TP73: variants seen among roughly 807,000 people sequenced by gnomAD.
TP73 encodes tumor protein p73, also known as p53-like transcription factor.
A neutral mutation model predicts 62.5 loss-of-function variants in TP73; 25 were observed. That is an observed-to-expected ratio of 0.40 (90% CI 0.29 to 0.56). The LOEUF (loss-of-function observed/expected upper bound fraction) is 0.56. Among genes scored for constraint, TP73 ranks in the 20% least tolerant of loss-of-function variants. The pLI is 0.46. For synonymous variants in TP73, 423 were observed against 377.5 expected, an observed-to-expected ratio of 1.12 and a Z score of -1.40; for missense variants, 754 against 913.3, an observed-to-expected ratio of 0.83 and a Z score of 2.25.
chr1:3,685,831 G>A (rs573922448), intron 3 of TP73, among the ~76,000 whole-genome samples: 11 of 152,238 alleles, frequency 7.2e-5, no homozygotes, highest in Non-Finnish European at 1.2e-4. Flanking sequence ...GGTTCAGTGC[G>A]GATGCGGGCA....
At chr1:3,679,004 C>T (rs573772099) in intron 1 of TP73, among the ~76,000 whole-genome samples, 10 of 152,204 alleles carry the variant, frequency 6.6e-5, no homozygotes, top group East Asian at 1.9e-4. Flanking sequence ...GAGGGCCGGA[C>T]GGGTGGGATC....
intron 3 of TP73, among the ~76,000 whole-genome samples, chr1:3,706,548 C>T (rs953633222): frequency 2.6e-5 from 4 of 152,014 alleles, no homozygotes; most frequent in African/African-American, 7.3e-5. Flanking sequence ...CGTTGAGCCT[C>T]GGGGGTCACA....
Position 3,728,159 on chromosome 1 carries a change from C to A in TP73, c.1016C>A (p.Ala339Asp), listed in dbSNP as rs372828614. ...AAGCAGAGCCCCCCTGCCGTCCCCG[C>A]CCTTGGTGCCGGTGTGAAGAAGCGG... ...AFKQSPPAVP[A>D]LGAGVKKRRH... The change falls in exon 9 of 14, where the codon GCC becomes GAC. Residue 339 changes from alanine (A) to aspartate (D), a missense_variant. By Grantham distance (126) the Ala-to-Asp change is moderately radical. Around this residue, in one of 3 missense-constraint regions of TP73, gnomAD observed 458 missense variants for 528.7 expected, o/e 0.87. Coordinates refer to ENST00000378295, the MANE Select transcript of TP73 (RefSeq NM_005427.4). 2 of 1,611,756 alleles carry A rather than the reference C, an allele frequency of 1.2e-6. No homozygotes were observed. Among genetic ancestry groups the A allele is most frequent in the African/African-American group, 1.3e-5 (1 of 74,956 alleles).
intron 1 of TP73, among the ~76,000 whole-genome samples, chr1:3,673,340 C>G (rs991356484): frequency 3.7e-4 from 57 of 152,292 alleles, no homozygotes; most frequent in African/African-American, 1.3e-3. Flanking sequence ...CTTTGGGACC[C>G]GGGCCTCATT....
chr1:3,665,293 T>TC (rs1378203463), intron 1 of TP73, among the ~76,000 whole-genome samples: 2 of 151,568 alleles, frequency 1.3e-5, no homozygotes, highest in Non-Finnish European at 2.9e-5. Flanking sequence ...GTTGTGAAAG[T>TC]CCCCCCCAAG....
intron 4 of TP73, among the ~76,000 whole-genome samples, chr1:3,710,306 A>G (rs1309299608): frequency 6.6e-6 from 1 of 152,028 alleles, no homozygotes; most frequent in African/African-American, 2.4e-5. Context: ...AAACATTGAT[A>G]ATGAGATTTT....
chr1:3,689,092 G>A (rs1645740876), intron 3 of TP73, among the ~76,000 whole-genome samples: 2 of 152,058 alleles, frequency 1.3e-5, no homozygotes, highest in Non-Finnish European at 2.9e-5. Context: ...TGGGGAGCCC[G>A]CCCCCAACCC....
rs1329514002 is a variant in TP73, at chr1:3,701,906, G to T, written c.187-5643G>T. ...GTTACACAGGTGGAGCTGAGACTTG[G>T]CCCCAGGACTCCTGACCTCAGAGCC... On this transcript the variant is annotated intron_variant, in intron 3 of 13. Transcript: ENST00000378295. The surrounding 1 kb of genome is among the most constrained non-coding windows in gnomAD (Gnocchi z 4.7). Among the ~76,000 whole-genome samples the T allele has an allele frequency of 6.6e-6, 1 of 152,180 alleles. No individual in the cohort carries two copies. The highest frequency in any genetic ancestry group is 1.5e-5 in the Non-Finnish European group (1 of 68,038).
At chr1:3,674,740 C>T (rs115722292) in intron 1 of TP73, among the ~76,000 whole-genome samples, 194 of 152,336 alleles carry the variant, frequency 1.3e-3, no homozygotes, top group African/African-American at 2.9e-3. Context: ...CCTCTTCTTG[C>T]GGTGGCTGGA....
chr1:3,712,261 C>T (rs1342708896), intron 4 of TP73: 1 of 152,250 alleles, frequency 6.6e-6, no homozygotes, highest in Non-Finnish European at 1.5e-5. Context: ...AACAAGAGTA[C>T]TTAGGGCGAA....
chr1:3,723,800 A>C (rs1641294509), intron 6 of TP73, among the ~76,000 whole-genome samples: 1 of 152,226 alleles, frequency 6.6e-6, no homozygotes, highest in African/African-American at 2.4e-5. Flanking sequence ...TGGGGCTCCC[A>C]GACACAGGGA....
rs1038312828 is a variant in TP73 at position 3,723,307 on chromosome 1, G to A, written c.617-47G>A. 5 of 1,513,862 alleles carry A rather than the reference G, an allele frequency of 3.3e-6. No homozygotes were observed. In the African/African-American group the frequency reaches 6.9e-5, roughly 21 times the overall value. The allele number at this position is 1,513,862 out of a possible 1,614,324, so 93.8% of individuals were successfully genotyped here. On this transcript the variant is annotated intron_variant, in intron 5 of 13. Coordinates refer to ENST00000378295, the MANE Select transcript of TP73 (RefSeq NM_005427.4). ...GCACCTCTCTGCACCTAGCACAGGG[G>A]TGGGCACCTCTATGCACCTCTCTGA...
intron 1 of TP73, among the ~76,000 whole-genome samples, chr1:3,681,217 C>T (rs898951820): frequency 6.6e-6 from 1 of 152,252 alleles, no homozygotes; most frequent in Non-Finnish European, 1.5e-5. Flanking sequence ...TGCACCCCCG[C>T]TGGCCGTGGG....
intron 11 of TP73, among the ~76,000 whole-genome samples, chr1:3,730,718 C>A (rs1249922805): frequency 1.3e-5 from 2 of 152,188 alleles, no homozygotes; most frequent in East Asian, 3.9e-4. Flanking sequence ...CGCACGGTCA[C>A]CCCCGTCCCT....
intron 2 of TP73, 46 bp from the exon 3 acceptor site, chr1:3,683,014 A>G (rs1258440989): frequency 6.4e-7 from 1 of 1,573,336 alleles, no homozygotes. Flanking sequence ...TTGGGGTGAC[A>G]CCCAAACTGG....
In TP73 at chr1:3,722,010, C is replaced by T. The variant is rs2124477389; in HGVS notation, c.430-11C>T. On this transcript the variant is annotated splice_polypyrimidine_tract_variant and intron_variant, in intron 4 of 13. Transcript: ENST00000378295. ...CCACTGGTCTCACCCGCTCCCTCTC[C>T]CCCACTCCAGTACTCCCCGCTCTTG... 1.9e-6 allele frequency: 3 copies of T among 1,597,634 alleles called. No individual in the cohort carries two copies. Among genetic ancestry groups the T allele is most frequent in the Non-Finnish European group, 2.6e-6 (3 of 1,169,262 alleles).
intron 3 of TP73, among the ~76,000 whole-genome samples, chr1:3,693,613 G>A (rs973474936): frequency 3.3e-5 from 5 of 152,128 alleles, no homozygotes; most frequent in African/African-American, 9.7e-5. Flanking sequence ...CCCAATGGGA[G>A]CCACTGGTTA....
intron 13 of TP73, among the ~76,000 whole-genome samples, 193 bp from the exon 14 acceptor site, chr1:3,732,554 C>G: frequency 6.7e-6 from 1 of 150,272 alleles, no homozygotes; most frequent in East Asian, 1.9e-4. Flanking sequence ...TCTAACACTC[C>G]CAGGTCAGGG....
intron 5 of TP73, among the ~76,000 whole-genome samples, chr1:3,722,938 GGGGCTGGACACCTCTCTGTGCCTGGCACA>G (rs1323609891): frequency 1.1e-4 from 15 of 141,316 alleles, no homozygotes; most frequent in African/African-American, 3.5e-4. Flanking sequence ...CACCTGGCAT[GGGGCTGGACACCTCTCTGTGCCTGGCACA>G]GGGCTGGGCA....
Sources: allele counts gnomAD v4.1 joint callset (sites outside exome capture counted in the v4.1 genomes callset), GRCh38; gene constraint gnomAD v4.1.1; regional missense constraint gnomAD v4.1.1; non-coding constraint Gnocchi (gnomAD v3.1); transcripts MANE v1.5; gene names NCBI Gene and HGNC (gene_info 2026-07-23, HGNC 2026-07-21).